The following AOAH variants were observed in gnomAD, a reference collection of about 807,000 sequenced individuals.
AOAH encodes acyloxyacyl hydrolase, also known as acyloxyacyl hydrolase (neutrophil).
AOAH carries 64 observed loss-of-function variants against 92.2 expected under a neutral mutation model. The observed-to-expected ratio is 0.69, with a 90% CI of 0.57 to 0.86. AOAH has a LOEUF of 0.86. Among genes scored for constraint, AOAH ranks in the 40% least tolerant of loss-of-function variants. The pLI, the probability that AOAH is intolerant of heterozygous loss-of-function variation, is 0.00. For missense variants in AOAH, 656 were observed against 694.6 expected, an observed-to-expected ratio of 0.94 and a Z score of 0.62; for synonymous variants, 263 against 254.5, an observed-to-expected ratio of 1.03 and a Z score of -0.32.
At chr7:36,619,631 G>C (rs1792141760) in intron 9 of AOAH, among the ~76,000 whole-genome samples, 1 of 152,288 alleles carries the variant, frequency 6.6e-6, no homozygotes, top group Admixed American at 6.5e-5. Context: ...AGCGGATAGG[G>C]TAGGTGGTGT....
At chr7:36,698,776 C>T (rs543911199) in intron 1 of AOAH, among the ~76,000 whole-genome samples, 2 of 152,206 alleles carry the variant, frequency 1.3e-5, no homozygotes, top group South Asian at 2.1e-4. Flanking sequence ...GGATATCTAT[C>T]ATCTTAAAAA....
chr7:36,606,064 T>C (rs983625331), intron 11 of AOAH, among the ~76,000 whole-genome samples: 5 of 152,202 alleles, frequency 3.3e-5, no homozygotes, highest in African/African-American at 1.2e-4. Flanking sequence ...TCTTAAAATA[T>C]AATAAGAAAG....
intron 11 of AOAH, chr7:36,594,664 G>A (rs1033328416): frequency 9.2e-5 from 52 of 565,138 alleles, no homozygotes; most frequent in African/African-American, 8.3e-4. Context: ...TGTGAAACAT[G>A]CAGAACATTT....
intron 20 of AOAH, chr7:36,514,783 G>A: frequency 1.8e-6 from 1 of 540,554 alleles, no homozygotes; most frequent in South Asian, 2.1e-5. Flanking sequence ...GCAGCTCACA[G>A]TCCCCTTCCT....
intron 10 of AOAH, 49 bp downstream of exon 10, chr7:36,618,248 A>G (rs1350896975): frequency 6.4e-7 from 1 of 1,563,004 alleles, no homozygotes; most frequent in East Asian, 2.2e-5. Flanking sequence ...GACTCAAACT[A>G]GAAAAGAATA....
At chr7:36,672,382 T>A (rs1277134103) in intron 3 of AOAH, among the ~76,000 whole-genome samples, 1 of 152,104 alleles carries the variant, frequency 6.6e-6, no homozygotes, top group Non-Finnish European at 1.5e-5. Context: ...CAAATGCCCA[T>A]CAATGATAGA....
At chr7:36,558,781 T>G (rs192443486) in intron 13 of AOAH, among the ~76,000 whole-genome samples, 2 of 152,264 alleles carry the variant, frequency 1.3e-5, no homozygotes, top group African/African-American at 2.4e-5. Context: ...CTCTGAGCCA[T>G]GTGCAGGATA....
chr7:36,605,405 G>A (rs1056542426), intron 11 of AOAH, among the ~76,000 whole-genome samples: 1 of 152,154 alleles, frequency 6.6e-6, no homozygotes, highest in Non-Finnish European at 1.5e-5. Context: ...GATGGCTAAG[G>A]AATGTGGGGG....
chr7:36,720,295 A>G (rs942566312), intron 1 of AOAH, among the ~76,000 whole-genome samples: 9 of 151,600 alleles, frequency 5.9e-5, no homozygotes, highest in Admixed American at 1.3e-4. Flanking sequence ...GACTACAGGC[A>G]TGCCCCACCG....
At chr7:36,595,257 G>A (rs191647491) in intron 11 of AOAH, among the ~76,000 whole-genome samples, 1 of 152,358 alleles carries the variant, frequency 6.6e-6, no homozygotes, top group African/African-American at 2.4e-5. Flanking sequence ...GTACCAGCCA[G>A]GTGCTGTGGC....
At chr7:36,606,467 C>T (rs1165779315) in intron 11 of AOAH, among the ~76,000 whole-genome samples, 8 of 152,164 alleles carry the variant, frequency 5.3e-5, no homozygotes, top group Admixed American at 5.2e-4. Context: ...CAACAGCCTG[C>T]CAGGGGTCGT....
chr7:36,512,990 A>G lies in AOAH; in HGVS notation c.*262T>C. The G allele has an allele frequency of 6.9e-7, 1 of 1,443,484 alleles. No homozygotes were observed. The highest frequency in any genetic ancestry group is 1.7e-4 in the Middle Eastern group (1 of 5,764). The allele number at this position is 1,443,484 out of a possible 1,614,324, so 89.4% of individuals were successfully genotyped here. On this transcript the variant is annotated 3_prime_UTR_variant, in exon 21 of 21. Coordinates refer to ENST00000617537, the MANE Select transcript of AOAH (RefSeq NM_001637.4). ...ACAATTAGCTGTAAAGGGCACAGAT[A>G]CTCTCTTGTTTGGAATGGCACCCAA...
intron 2 of AOAH, among the ~76,000 whole-genome samples, chr7:36,678,222 G>T (rs1796382211): frequency 1.3e-5 from 2 of 152,170 alleles, no homozygotes; most frequent in Non-Finnish European, 2.9e-5. Context: ...TATACTCAGA[G>T]ACCTGCATTT....
At chr7:36,636,719 C>T (rs1447668082) in intron 5 of AOAH, among the ~76,000 whole-genome samples, 1 of 152,198 alleles carries the variant, frequency 6.6e-6, no homozygotes, top group African/African-American at 2.4e-5. Context: ...TTCATAAAAA[C>T]CCATAGGCCC....
chr7:36,596,173 C>CCAA (rs1554294529), intron 11 of AOAH, among the ~76,000 whole-genome samples: 32 of 146,708 alleles, frequency 2.2e-4, no homozygotes, highest in African/African-American at 8.2e-4. Flanking sequence ...GCCCCCCCAC[C>CCAA]CCCCGTCACC....
intron 12 of AOAH, among the ~76,000 whole-genome samples, chr7:36,589,019 T>C (rs547949201): frequency 6.6e-6 from 1 of 151,636 alleles, no homozygotes; most frequent in African/African-American, 2.4e-5. Flanking sequence ...TTGGCCTTCA[T>C]TGCTTTTTAT....
intron 16 of AOAH, among the ~76,000 whole-genome samples, chr7:36,538,008 C>CT (rs200856759): frequency 4.1e-3 from 529 of 127,874 alleles, no homozygotes; most frequent in Middle Eastern, 8.5e-3. Flanking sequence ...TTCGTACATT[C>CT]TTTTTTTTTT....
Position 36,542,690 on chromosome 7 carries a change from C to T in AOAH, c.1134-2199G>A, listed in dbSNP as rs566085636. Among the ~76,000 whole-genome samples the T allele has an allele frequency of 1.0e-3, 154 of 152,172 alleles. 4 individuals carry two copies. The South Asian group carries it at 0.017, about 17-fold the overall frequency. ...CCACCAATGTGCAAAAATGTACATACGAATATTGTAATGTTGCTTGGTATA... is the reference window on the plus strand; with the variant it reads ...CCACCAATGTGCAAAAATGTACATATGAATATTGTAATGTTGCTTGGTATA... On this transcript the variant is annotated intron_variant, in intron 15 of 20. Transcript: ENST00000617537.
At chr7:36,569,511 ATCTGTCTATCTT>A (rs1787957904) in intron 13 of AOAH, among the ~76,000 whole-genome samples, 1 of 143,898 alleles carries the variant, frequency 6.9e-6, no homozygotes, top group Non-Finnish European at 1.5e-5. Flanking sequence ...CTATCTATCT[ATCTGTCTATCTT>A]TCTACCAGAT....
Sources: allele counts gnomAD v4.1 joint callset (sites outside exome capture counted in the v4.1 genomes callset), GRCh38; gene constraint gnomAD v4.1.1; transcripts MANE v1.5; gene names NCBI Gene and HGNC (gene_info 2026-07-23, HGNC 2026-07-21).